The following HTR2B variants were observed in gnomAD, a reference collection of about 807,000 sequenced individuals.
HTR2B encodes the protein 5-hydroxytryptamine receptor 2B, also known as 5-HT 2B receptor.
In HTR2B, 31 loss-of-function variants were observed where a neutral mutation model predicts 39.8. That is an observed-to-expected ratio of 0.78 (90% confidence interval 0.58 to 1.05). HTR2B has a LOEUF of 1.05. HTR2B is among the 50% of genes least tolerant of loss of function. HTR2B has a pLI of 0.00. For missense variants in HTR2B, 562 were observed against 578.0 expected (o/e 0.97, Z 0.28); for synonymous variants, 210 against 207.1 (o/e 1.01, Z -0.12).
intron 2 of HTR2B, among the ~76,000 whole-genome samples, chr2:231,115,581 T>G (rs1695302449): frequency 6.6e-6 from 1 of 152,108 alleles, no homozygotes; most frequent in African/African-American, 2.4e-5. Flanking sequence ...AAACTTTGCC[T>G]GCTTGTTGAA....
chr2:231,108,988 G>C lies in HTR2B; in HGVS notation c.975C>G (p.Val325=). The C allele has an allele frequency of 1.2e-6, 2 of 1,614,176 alleles. No homozygotes were observed. Among genetic ancestry groups the C allele is most frequent in the Non-Finnish European group, 1.7e-6 (2 of 1,180,026 alleles). The part of the protein sequence containing the change: ...TISNEQRASK[V]LGIVFFLFLL... ...AAAAGAGGAAAAACACAATCCCTAG[G>C]ACCTTTGAGGCTCTCTGTTCGTTGG... Residue 325 remains valine, a synonymous_variant, in exon 4 of 4, where the codon GTC becomes GTG. Transcript: ENST00000258400.
In HTR2B at chr2:231,108,663, G is replaced by A. The variant is rs370619034; in HGVS notation, c.1300C>T (p.Arg434Ter). The change falls in exon 4 of 4, where the codon CGA (arginine) becomes TGA (stop). Residue 434 changes from arginine to a stop codon, truncating the protein, a stop_gained. Transcript: ENST00000258400. LOFTEE classifies it high-confidence loss of function. ...NSKFFKKHGI[R>*]NGINPAMYQS... ...TACATGGCAGGGTTAATCCCATTTC[G>A]AATTCCATGTTTCTTGAAAAACTTA... is the stretch of plus-strand genomic sequence containing the variant. 2.2e-5 allele frequency: 35 copies of A among 1,613,918 alleles called. No homozygotes were observed. The highest frequency in any genetic ancestry group is 2.5e-5 in the Non-Finnish European group (30 of 1,180,010).
intron 2 of HTR2B, among the ~76,000 whole-genome samples, chr2:231,119,540 T>C (rs1463789653): frequency 6.6e-6 from 1 of 152,156 alleles, no homozygotes; most frequent in Non-Finnish European, 1.5e-5. Flanking sequence ...ATACCACGGA[T>C]ACTGTTTGAA....
rs1695633425 is a variant in HTR2B at position 231,123,658 on chromosome 2, G to C, written c.107C>G (p.Thr36Arg). ...TTTCATTTCCTCTGGTATTGATTCT[G>C]TCTGTAATCCAGACCAGTTAGAAGA... is the stretch of plus-strand genomic sequence containing the variant. ...VISSNWSGLQ[T>R]ESIPEEMKQI... The change falls in exon 2 of 4, where the codon ACA becomes AGA. Residue 36 changes from threonine (T) to arginine (R), a missense_variant. Transcript: ENST00000258400. 2 of 1,613,706 alleles carry C rather than the reference G, an allele frequency of 1.2e-6. No individual in the cohort carries two copies. The highest frequency in any genetic ancestry group is 1.7e-6 in the Non-Finnish European group (2 of 1,179,784).
intron 3 of HTR2B, among the ~76,000 whole-genome samples, chr2:231,112,735 A>C (rs1695195847): frequency 6.6e-6 from 1 of 152,348 alleles, no homozygotes; most frequent in South Asian, 2.1e-4. Context: ...ATACTTCATG[A>C]TAAGAAGTAT....
rs1695056228 is a variant in HTR2B, at chr2:231,108,894, T to C, written c.1069A>G (p.Thr357Ala). The stretch of plus-strand genomic sequence containing the variant: ...AATATCTCCAGGAGCATTTGGAGAG[T>C]AGTTTGGTTACAGGAATCACATAAA... ...LVLCDSCNQTTLQMLLEIFVW... is the reference protein window; with the variant it reads ...LVLCDSCNQTALQMLLEIFVW... Residue 357 changes from threonine to alanine, a missense_variant, in exon 4 of 4, where the codon ACT becomes GCT. Thr to Ala is a moderately conservative substitution (Grantham distance 58). Coordinates refer to ENST00000258400, the MANE Select transcript of HTR2B (RefSeq NM_000867.5). The C allele has an allele frequency of 1.9e-6, 3 of 1,613,704 alleles. No individual in the cohort carries two copies. The highest frequency in any genetic ancestry group is 1.1e-5 in the South Asian group (1 of 91,048).
chr2:231,110,199 A>G (rs1021023825), intron 3 of HTR2B, among the ~76,000 whole-genome samples: 1 of 151,920 alleles, frequency 6.6e-6, no homozygotes, highest in Non-Finnish European at 1.5e-5. Context: ...ACGCGCCTGT[A>G]CTCCCAGCTA....
At position 231,109,179 on chromosome 2, in the gene HTR2B, A is replaced by C; in HGVS notation, c.784T>G (p.Leu262Val). ...KNKPPQRLTWLTVSTVFQRDE... is the reference protein window; with the variant it reads ...KNKPPQRLTWVTVSTVFQRDE... ...CTTTGGAAAACTGTAGACACAGTCA[A>C]CCATGTTAGGCGTTGAGGTGGCTTG... The change falls in exon 4 of 4, where the codon TTG (leucine) becomes GTG (valine). Residue 262 changes from leucine (L) to valine (V), a missense_variant. Physicochemically the swap from Leu to Val is conservative, Grantham distance 32. Coordinates refer to ENST00000258400, the MANE Select transcript of HTR2B (RefSeq NM_000867.5). 1 of 1,614,228 alleles carries C rather than the reference A, an allele frequency of 6.2e-7. No individual in the cohort carries two copies. The highest frequency in any genetic ancestry group is 8.5e-7 in the Non-Finnish European group (1 of 1,180,046).
intron 2 of HTR2B, among the ~76,000 whole-genome samples, chr2:231,121,608 A>G (rs1695546681): frequency 6.6e-6 from 1 of 152,196 alleles, no homozygotes; most frequent in African/African-American, 2.4e-5. Context: ...CATGGAATCT[A>G]TTAAACAGGT....
chr2:231,108,324 A>C lies in HTR2B; in HGVS notation c.*193T>G, dbSNP rs1297634699. 1.8e-6 allele frequency: 1 copy of C among 545,920 alleles called. No homozygotes were observed. Among genetic ancestry groups the C allele is most frequent in the Non-Finnish European group, 3.2e-6 (1 of 310,484 alleles). The allele number at this position is 545,920 out of a possible 1,614,324, so 33.8% of individuals were successfully genotyped here. The stretch of plus-strand genomic sequence containing the variant: ...TGCTGGATTGTTTTCATTTGTAGCT[A>C]TATAAAATTATTTTCCTCATGGAAT... On this transcript the variant is annotated 3_prime_UTR_variant, in exon 4 of 4. Transcript: ENST00000258400.
intron 2 of HTR2B, among the ~76,000 whole-genome samples, chr2:231,116,206 C>G (rs1277877812): frequency 2.0e-5 from 3 of 151,950 alleles, no homozygotes; most frequent in African/African-American, 7.3e-5. Flanking sequence ...AACTAACAGT[C>G]TAAGTATAGT....
In HTR2B at chr2:231,108,438, A is replaced by G. The variant is rs1303470568; in HGVS notation, c.*79T>C. On this transcript the variant is annotated 3_prime_UTR_variant, in exon 4 of 4. Coordinates refer to ENST00000258400, the MANE Select transcript of HTR2B (RefSeq NM_000867.5). Reference sequence around the variant, plus strand: ...TTTGATATATGACATAAAATTCTTTATATAATATATTCTTGGCACATTTAC... The same window carrying G: ...TTTGATATATGACATAAAATTCTTTGTATAATATATTCTTGGCACATTTAC... 4.0e-6 allele frequency: 4 copies of G among 1,000,248 alleles called. No homozygotes were observed. The highest frequency in any genetic ancestry group is 1.6e-5 in the African/African-American group (1 of 61,748). The allele number at this position is 1,000,248 out of a possible 1,614,324, so 62.0% of individuals were successfully genotyped here.
intron 2 of HTR2B, among the ~76,000 whole-genome samples, chr2:231,115,300 A>C (rs1297295312): frequency 2.0e-5 from 3 of 152,092 alleles, no homozygotes; most frequent in African/African-American, 7.2e-5. Flanking sequence ...TTCAGTGAAA[A>C]ATATCTGGGC....
Position 231,108,684 on chromosome 2 carries a change from A to T in HTR2B, c.1279T>A (p.Phe427Ile). The T allele has an allele frequency of 1.9e-6, 3 of 1,614,034 alleles. No individual in the cohort carries two copies. The highest frequency in any genetic ancestry group is 8.5e-7 in the Non-Finnish European group (1 of 1,180,012). ...TTTCGAATTCCATGTTTCTTGAAAA[A>T]CTTAGAGTTCTCTGCCATTGGATTC... is the stretch of plus-strand genomic sequence containing the variant. ...FRNPMAENSK[F>I]FKKHGIRNGI... is the part of the protein sequence containing the mutation. The change falls in exon 4 of 4, where the codon TTT becomes ATT. Residue 427 changes from phenylalanine (F) to isoleucine (I), a missense_variant. By Grantham distance (21) the Phe-to-Ile change is conservative. Transcript: ENST00000258400.
chr2:231,120,345 A>C (rs539856270), intron 2 of HTR2B, among the ~76,000 whole-genome samples: 1 of 152,312 alleles, frequency 6.6e-6, no homozygotes, highest in South Asian at 2.1e-4. Context: ...TATCAGCATA[A>C]GGTGTTGTTT....
At position 231,109,028 on chromosome 2, in the gene HTR2B, G is replaced by C; in HGVS notation, c.935C>G (p.Ser312Ter). The change falls in exon 4 of 4, where the codon TCA becomes TGA. Residue 312 changes from serine (S) to a stop codon, truncating the protein, a stop_gained. Coordinates refer to ENST00000258400, the MANE Select transcript of HTR2B (RefSeq NM_000867.5). LOFTEE classifies it high-confidence loss of function. Reference sequence around the variant, plus strand: ...CTGTTCGTTGGAAATGGTCTGCACTGACTTTTTCCCAATTGTGGATGTTCT... The same window carrying C: ...CTGTTCGTTGGAAATGGTCTGCACTCACTTTTTCCCAATTGTGGATGTTCT... ...MRRTSTIGKK[S>*]VQTISNEQRA... is the part of the protein sequence containing the mutation. 1 of 1,614,218 alleles carries C rather than the reference G, an allele frequency of 6.2e-7. No individual in the cohort carries two copies. The highest frequency in any genetic ancestry group is 8.5e-7 in the Non-Finnish European group (1 of 1,180,020).
intron 2 of HTR2B, among the ~76,000 whole-genome samples, chr2:231,117,937 A>G (rs1695399901): frequency 1.3e-5 from 2 of 152,312 alleles, no homozygotes; most frequent in South Asian, 4.1e-4. Flanking sequence ...TTGGTTCTGT[A>G]TGCCAAATAT....
intron 3 of HTR2B, among the ~76,000 whole-genome samples, chr2:231,109,968 A>C (rs1158237125): frequency 6.6e-6 from 1 of 152,136 alleles, no homozygotes; most frequent in Non-Finnish European, 1.5e-5. Context: ...TGCTACTTAA[A>C]ATTTGAGTGT....
rs568312484 is a variant in HTR2B at position 231,123,796 on chromosome 2, G to T, written c.-32C>A. The T allele has an allele frequency of 2.7e-6, 4 of 1,498,844 alleles. No individual in the cohort carries two copies. The highest frequency in any genetic ancestry group is 4.5e-5 in the East Asian group (2 of 44,320). The allele number at this position is 1,498,844 out of a possible 1,614,324, so 92.8% of individuals were successfully genotyped here. A position where few individuals can be genotyped will look rare whatever the true frequency, so the allele number is the denominator to read the frequency against. The stretch of plus-strand genomic sequence containing the variant: ...TTTTTCTGTGATTCAATCCCGTTCC[G>T]AACAGTGGTCAGCATGGTTAGTAGC... On this transcript the variant is annotated 5_prime_UTR_variant, in exon 2 of 4. It introduces an in-frame stop codon into an upstream open reading frame of the 5' UTR. Coordinates refer to ENST00000258400, the MANE Select transcript of HTR2B (RefSeq NM_000867.5).
Sources: gnomAD v4.1 joint callset for allele counts (sites outside exome capture counted in the v4.1 genomes callset) on GRCh38, gnomAD v4.1.1 for gene constraint, MANE v1.5 for transcripts, NCBI Gene and HGNC (gene_info 2026-07-23, HGNC 2026-07-21) for gene names.